The following GPC5 variants were observed in gnomAD, a reference collection of about 807,000 sequenced individuals.
GPC5 encodes the protein glypican 5.
A neutral mutation model predicts 53.9 loss-of-function variants in GPC5; 47 were observed. The observed-to-expected ratio is 0.87, with a 90% CI of 0.69 to 1.11. The LOEUF is 1.11. Ranked by LOEUF, GPC5 falls within the 50% of genes most tolerant of loss-of-function variation. GPC5 has a pLI of 0.00. For missense variants in GPC5, 748 were observed against 713.1 expected (o/e 1.05, Z -0.56); for synonymous variants, 286 against 263.3 (o/e 1.09, Z -0.84).
chr13:92,303,883 A>G (rs1594085117), intron 7 of GPC5, among the ~76,000 whole-genome samples: 1 of 152,204 alleles, frequency 6.6e-6, no homozygotes. Flanking sequence ...TTCCAGCATA[A>G]GTTTATAAGT....
At chr13:92,747,988 C>T (rs9561136) in intron 7 of GPC5, among the ~76,000 whole-genome samples, 4,765 of 152,060 alleles carry the variant, frequency 0.031, 332 homozygotes, top group East Asian at 0.28. Flanking sequence ...CATTTAATAA[C>T]GTCAGTTTTC....
intron 5 of GPC5, among the ~76,000 whole-genome samples, chr13:91,883,292 T>C (rs575011166): frequency 2.6e-5 from 4 of 152,226 alleles, no homozygotes; most frequent in African/African-American, 4.8e-5. Flanking sequence ...ATGCCTGCTC[T>C]CTTATTATCT....
intron 6 of GPC5, among the ~76,000 whole-genome samples, chr13:92,087,874 T>G (rs2041348065): frequency 6.6e-6 from 1 of 152,126 alleles, no homozygotes; most frequent in Non-Finnish European, 1.5e-5. Context: ...AGAACTCCAG[T>G]GGGCCATTTT....
intron 5 of GPC5, among the ~76,000 whole-genome samples, chr13:91,786,803 C>G (rs2037886554): frequency 6.6e-6 from 1 of 152,236 alleles, no homozygotes. Flanking sequence ...GAGAACTGAT[C>G]TCTTAACAAT....
chr13:92,523,242 T>G (rs1400332255), intron 7 of GPC5, among the ~76,000 whole-genome samples: 1 of 152,256 alleles, frequency 6.6e-6, no homozygotes, highest in Middle Eastern at 3.4e-3. Context: ...AACTCAAAGA[T>G]AAGTAACACC....
chr13:91,704,231 T>C (rs2036051155), intron 3 of GPC5, among the ~76,000 whole-genome samples: 1 of 151,912 alleles, frequency 6.6e-6, no homozygotes, highest in Admixed American at 6.6e-5. Context: ...CTGATCCTTT[T>C]GTCATTATGT....
At chr13:92,606,755 G>T (rs1243326018) in intron 7 of GPC5, among the ~76,000 whole-genome samples, 1 of 151,914 alleles carries the variant, frequency 6.6e-6, no homozygotes, top group African/African-American at 2.4e-5. Context: ...ATCTTACTTT[G>T]CTTTTCTTCC....
chr13:91,686,149 G>T lies in GPC5; in HGVS notation c.326-7038G>T, dbSNP rs570497163. Among the ~76,000 whole-genome samples the T allele has an allele frequency of 1.2e-3, 182 of 152,046 alleles. 1 individual carries two copies. The highest frequency in any genetic ancestry group is 2.2e-3 in the Non-Finnish European group (147 of 67,908). ...GAAACAATCAATGGTTAGTTGTTTA[G>T]AACTGATTTTATCTGTTACACAACT... is the stretch of plus-strand genomic sequence containing the variant. On this transcript the variant is annotated intron_variant, in intron 2 of 7. Transcript: ENST00000377067.
At chr13:92,129,532 GCTC>G in intron 6 of GPC5, among the ~76,000 whole-genome samples, 1 of 152,240 alleles carries the variant, frequency 6.6e-6, no homozygotes, top group East Asian at 2.0e-4. Context: ...AATAAGCACA[GCTC>G]CACAGATTCA....
chr13:92,027,565 C>T (rs1410962068), intron 6 of GPC5, among the ~76,000 whole-genome samples: 2 of 152,144 alleles, frequency 1.3e-5, no homozygotes, highest in Admixed American at 6.6e-5. Flanking sequence ...TATCTAACTT[C>T]ATTTCCACAA....
intron 7 of GPC5, among the ~76,000 whole-genome samples, chr13:92,599,168 T>C (rs1466084474): frequency 6.6e-6 from 1 of 152,206 alleles, no homozygotes. Flanking sequence ...ACAACAGACA[T>C]ACTTCTTGAC....
At chr13:92,515,480 G>C (rs1033564931) in intron 7 of GPC5, among the ~76,000 whole-genome samples, 1 of 152,158 alleles carries the variant, frequency 6.6e-6, no homozygotes. Flanking sequence ...TCTCGACCCA[G>C]TTAGATGCTT....
chr13:91,911,071 G>A (rs1347993665), intron 6 of GPC5, among the ~76,000 whole-genome samples: 2 of 152,126 alleles, frequency 1.3e-5, no homozygotes, highest in Non-Finnish European at 2.9e-5. Flanking sequence ...GGAAAAGTAG[G>A]CGCAAAGGTC....
chr13:92,048,208 A>C (rs927473364), intron 6 of GPC5, among the ~76,000 whole-genome samples: 1 of 152,074 alleles, frequency 6.6e-6, no homozygotes, highest in African/African-American at 2.4e-5. Context: ...TAATTACTGA[A>C]TTATATGTAA....
At chr13:92,753,423 C>G (rs1052669530) in intron 7 of GPC5, among the ~76,000 whole-genome samples, 2 of 152,162 alleles carry the variant, frequency 1.3e-5, no homozygotes, top group African/African-American at 4.8e-5. Flanking sequence ...AGCAGAGCAC[C>G]TCTCCTCCTC....
intron 7 of GPC5, among the ~76,000 whole-genome samples, chr13:92,710,966 C>T (rs995970904): frequency 1.3e-5 from 2 of 152,062 alleles, no homozygotes; most frequent in African/African-American, 2.4e-5. Flanking sequence ...TAAAAATAGT[C>T]TGCATTATAA....
chr13:92,139,663 T>C lies in GPC5; in HGVS notation c.1402-5167T>C, dbSNP rs1189672676. 4.3e-4 allele frequency among the ~76,000 whole-genome samples: 5 copies of C among 11,532 alleles called. No individual in the cohort carries two copies. The East Asian group carries it at 9.1e-3, about 21-fold the overall frequency. 7.6% of individuals were successfully genotyped at this position (11,532 alleles called of 152,430 possible). On this transcript the variant is annotated intron_variant, in intron 6 of 7. Coordinates refer to ENST00000377067, the MANE Select transcript of GPC5 (RefSeq NM_004466.6). ...GCCTGGGTGACAGAGTGAGATTCCG[T>C]CTCAAAAAAAAAAAAAAAAAAAGTG...
chr13:91,808,944 C>A (rs1372748103), intron 5 of GPC5, among the ~76,000 whole-genome samples: 2 of 152,112 alleles, frequency 1.3e-5, no homozygotes, highest in Non-Finnish European at 2.9e-5. Flanking sequence ...CCCTCAATAT[C>A]TTTGTGTTAG....
chr13:92,257,545 G>GTTTTTTTTTTTTTTTTTTTT (rs1566507028), intron 7 of GPC5, among the ~76,000 whole-genome samples: 2 of 50,026 alleles, frequency 4.0e-5, no homozygotes, highest in African/African-American at 1.2e-4. Flanking sequence ...CTAATACAGG[G>GTTTTTTTTTTTTTTTTTTTT]ATTTTTTTTT....
Sources: allele counts gnomAD v4.1 joint callset (sites outside exome capture counted in the v4.1 genomes callset), GRCh38; gene constraint gnomAD v4.1.1; transcripts MANE v1.5; gene names NCBI Gene and HGNC (gene_info 2026-07-23, HGNC 2026-07-21).